Variants in TADA2A observed in about 807,000 individuals in gnomAD.
TADA2A encodes the protein transcriptional adapter 2-alpha.
TADA2A carries 38 observed loss-of-function variants against 67.4 expected under a neutral mutation model. The observed-to-expected ratio is 0.56, with a 90% CI of 0.44 to 0.74. TADA2A has a LOEUF of 0.74. Ranked by LOEUF, TADA2A falls within the 30% of genes least tolerant of loss-of-function variation. The probability of loss-of-function intolerance (pLI) is 0.00; values close to 1 mark genes in which losing one functional copy is unlikely to be tolerated. For synonymous variants in TADA2A, 192 were observed against 181.6 expected, an observed-to-expected ratio of 1.06 and a Z score of -0.46; for missense variants, 454 against 547.0, an observed-to-expected ratio of 0.83 and a Z score of 1.70.
chr17:37,451,319 T>G (rs1045137555), intron 8 of TADA2A, among the ~76,000 whole-genome samples: 5 of 147,536 alleles, frequency 3.4e-5, no homozygotes, highest in Admixed American at 1.4e-4. Context: ...GGTTTTTTTG[T>G]TTTTTGGCTT....
intron 4 of TADA2A, among the ~76,000 whole-genome samples, chr17:37,431,323 G>A (rs1048534195): frequency 6.6e-6 from 1 of 151,896 alleles, no homozygotes; most frequent in Admixed American, 6.6e-5. Flanking sequence ...TCCACATGAT[G>A]TACTTAGGCT....
chr17:37,433,995 A>G (rs1452200814), intron 4 of TADA2A, among the ~76,000 whole-genome samples: 1 of 152,026 alleles, frequency 6.6e-6, no homozygotes, highest in Non-Finnish European at 1.5e-5. Flanking sequence ...GAACATTACT[A>G]CAATACTAGT....
At chr17:37,423,637 C>G in intron 3 of TADA2A, 22 bp downstream of exon 3, 1 of 1,550,830 alleles carries the variant, frequency 6.4e-7, no homozygotes, top group Non-Finnish European at 8.8e-7. Flanking sequence ...ATGCTGGCTT[C>G]TCCTAGCCTA....
At chr17:37,460,380 G>A (rs2053519716) in intron 9 of TADA2A, among the ~76,000 whole-genome samples, 1 of 151,958 alleles carries the variant, frequency 6.6e-6, no homozygotes, top group African/African-American at 2.4e-5. Flanking sequence ...CAAGAAGCTG[G>A]GACTACAGGC....
At chr17:37,457,578 A>C (rs548648846) in intron 8 of TADA2A, among the ~76,000 whole-genome samples, 1 of 130,698 alleles carries the variant, frequency 7.7e-6, no homozygotes, top group African/African-American at 3.0e-5. Context: ...GCTCACTGCA[A>C]CCTCACCTCC....
rs375571310 is a variant in TADA2A at position 37,417,345 on chromosome 17, C to T, written c.25+5955C>T. On this transcript the variant is annotated intron_variant, in intron 2 of 15. Transcript: ENST00000615182. ...GAGCTGAGATCGCGCCACTGCACTA[C>T]AGCCTGGGCAACAGAGCAAGACTCC... 4.7e-5 allele frequency among the ~76,000 whole-genome samples: 7 copies of T among 149,856 alleles called. No homozygotes were observed. The South Asian group carries it at 1.3e-3, about 28-fold the overall frequency.
rs867176823 is a variant in TADA2A at position 37,406,907 on chromosome 17, G to C, written c.-140G>C. The C allele has an allele frequency of 6.9e-6, 1 of 144,308 alleles. No individual in the cohort carries two copies. The highest frequency in any genetic ancestry group is 2.0e-4 in the East Asian group (1 of 4,994). The allele number at this position is 144,308 out of a possible 1,614,324, so 8.9% of individuals were successfully genotyped here. A position where few individuals can be genotyped will look rare whatever the true frequency, so the allele number is the denominator to read the frequency against. ...GCGCACGCAAAGCCCGGAGGCGCGCGCGACCGGCGGCTCTTTGGCGCGGAT... is the reference window on the plus strand; with the variant it reads ...GCGCACGCAAAGCCCGGAGGCGCGCCCGACCGGCGGCTCTTTGGCGCGGAT... On this transcript the variant is annotated 5_prime_UTR_variant, in exon 1 of 16. Transcript: ENST00000615182.
intron 9 of TADA2A, among the ~76,000 whole-genome samples, chr17:37,460,228 A>ATTTTAT (rs1318792957): frequency 9.6e-5 from 14 of 146,352 alleles, no homozygotes; most frequent in African/African-American, 3.7e-4. Flanking sequence ...AGGCTTTTTT[A>ATTTTAT]TTTTATTTTT....
At chr17:37,449,814 G>T (rs1490099484) in intron 8 of TADA2A, among the ~76,000 whole-genome samples, 1 of 152,048 alleles carries the variant, frequency 6.6e-6, no homozygotes, top group African/African-American at 2.4e-5. Context: ...TAGAGACAGG[G>T]TCTCACTATG....
Position 37,415,426 on chromosome 17 carries a change from C to T in TADA2A, c.25+4036C>T, listed in dbSNP as rs186315384. 1.3e-3 allele frequency among the ~76,000 whole-genome samples: 205 copies of T among 152,070 alleles called. 2 individuals are homozygous for T. Among genetic ancestry groups the T allele is most frequent in the Non-Finnish European group, 3.4e-4 (23 of 68,002 alleles). On this transcript the variant is annotated intron_variant, in intron 2 of 15. Coordinates refer to ENST00000615182, the MANE Select transcript of TADA2A (RefSeq NM_001166105.3). ...ACTTGGACATCTAAGTAGTATTTTG[C>T]AATTACATCTAATATTATATATAAC...
intron 15 of TADA2A, among the ~76,000 whole-genome samples, chr17:37,476,389 G>T (rs558046592): frequency 1.1e-3 from 163 of 152,310 alleles, no homozygotes; most frequent in African/African-American, 3.8e-3. Context: ...GCAGCCTTGA[G>T]AATCCAAGTG....
intron 8 of TADA2A, among the ~76,000 whole-genome samples, chr17:37,456,803 A>G (rs2053405343): frequency 6.6e-6 from 1 of 152,182 alleles, no homozygotes; most frequent in Non-Finnish European, 1.5e-5. Context: ...TGAGGGGTAA[A>G]AAGGAATTAG....
intron 3 of TADA2A, chr17:37,426,743 A>G (rs1051434682): frequency 1.9e-5 from 8 of 415,584 alleles, no homozygotes; most frequent in African/African-American, 1.7e-4. Context: ...ACTTTGGGAG[A>G]CTGAGGTACA....
chr17:37,417,344 A>G (rs1021679968), intron 2 of TADA2A, among the ~76,000 whole-genome samples: 3 of 150,694 alleles, frequency 2.0e-5, no homozygotes, highest in Non-Finnish European at 4.4e-5. Context: ...CCACTGCACT[A>G]CAGCCTGGGC....
chr17:37,454,920 G>A (rs1045907637), intron 8 of TADA2A: 3 of 214,310 alleles, frequency 1.4e-5, no homozygotes, highest in East Asian at 1.1e-4. Context: ...TCAGCTCCCC[G>A]AGGTGGTTCA....
chr17:37,474,188 A>G (rs891267934), intron 14 of TADA2A, among the ~76,000 whole-genome samples: 2 of 152,168 alleles, frequency 1.3e-5, no homozygotes, highest in Non-Finnish European at 2.9e-5. Context: ...ATAGTGAGCT[A>G]TGATCGCAAC....
chr17:37,432,704 G>T (rs908962788), intron 4 of TADA2A, among the ~76,000 whole-genome samples: 1 of 152,062 alleles, frequency 6.6e-6, no homozygotes, highest in South Asian at 2.1e-4. Context: ...CTGTTTTTTG[G>T]ATAAATACCT....
chr17:37,472,695 GA>G (rs949667995), intron 14 of TADA2A, among the ~76,000 whole-genome samples: 1 of 149,652 alleles, frequency 6.7e-6, no homozygotes, highest in Non-Finnish European at 1.5e-5. Flanking sequence ...CATCTCTCCT[GA>G]AAAAAAAATA....
At chr17:37,461,195 A>T (rs1178642419) in intron 9 of TADA2A, among the ~76,000 whole-genome samples, 1 of 152,036 alleles carries the variant, frequency 6.6e-6, no homozygotes, top group Non-Finnish European at 1.5e-5. Context: ...TAGATCCTCC[A>T]CGTGAGCAGT....
Sources: allele counts gnomAD v4.1 joint callset (sites outside exome capture counted in the v4.1 genomes callset), GRCh38; gene constraint gnomAD v4.1.1; transcripts MANE v1.5; gene names NCBI Gene and HGNC (gene_info 2026-07-23, HGNC 2026-07-21).